CPEB4: variants seen among roughly 807,000 people sequenced by gnomAD.
CPEB4 encodes cytoplasmic polyadenylation element-binding protein 4.
CPEB4 carries 12 observed loss-of-function variants against 72.5 expected under a neutral mutation model. That is an observed-to-expected ratio of 0.17 (90% CI 0.11 to 0.27). CPEB4 has a LOEUF of 0.27. CPEB4 is among the 10% of genes least tolerant of loss of function. The pLI is 1.00. For missense variants in CPEB4, 614 were observed against 908.5 expected (o/e 0.68, Z 4.17); for synonymous variants, 302 against 326.3 (o/e 0.93, Z 0.80).
chr5:173,894,841 C>A (rs116046828), intron 1 of CPEB4, among the ~76,000 whole-genome samples: 2,407 of 152,036 alleles, frequency 0.016, 27 homozygotes, highest in Non-Finnish European at 0.024. Context: ...GGGAGAGTGC[C>A]TCCCAGACGC....
intron 9 of CPEB4, among the ~76,000 whole-genome samples, chr5:173,953,986 G>A (rs1394181944): frequency 6.6e-6 from 1 of 152,028 alleles, no homozygotes; most frequent in Non-Finnish European, 1.5e-5. Context: ...ACATTACTGG[G>A]CACAATGTTT....
Position 173,890,200 on chromosome 5 carries a change from A to T in CPEB4, c.467A>T (p.Gln156Leu). ...GCCACTGGGCTAGGTACTTCAACCC[A>T]ACCCTTGACATCTAGCGCATCGTCT... is the stretch of plus-strand genomic sequence containing the variant. ...QEATGLGTST[Q>L]PLTSSASSLT... is the part of the protein sequence containing the mutation. The change falls in exon 1 of 10, where the codon CAA (glutamine) becomes CTA (leucine). Residue 156 changes from glutamine (Q) to leucine (L), a missense_variant. By Grantham distance (113) the Gln-to-Leu change is moderately radical. Transcript: ENST00000265085. 1.9e-6 allele frequency: 3 copies of T among 1,614,200 alleles called. No homozygotes were observed. The highest frequency in any genetic ancestry group is 2.5e-6 in the Non-Finnish European group (3 of 1,180,032).
rs1758410808 is a variant in CPEB4 at position 173,957,338 on chromosome 5, T to C, written c.*1201T>C. Reference sequence around the variant, plus strand: ...AAAACAGTTAAAAAAAGTGAAGTAGTTGCAAAGTGTTTTGCACTGTTGAAC... The same window carrying C: ...AAAACAGTTAAAAAAAGTGAAGTAGCTGCAAAGTGTTTTGCACTGTTGAAC... On this transcript the variant is annotated 3_prime_UTR_variant, in exon 10 of 10. Coordinates refer to ENST00000265085, the MANE Select transcript of CPEB4 (RefSeq NM_030627.4). 1 of 152,764 alleles carries C rather than the reference T, an allele frequency of 6.5e-6. No homozygotes were observed. Among genetic ancestry groups the C allele is most frequent in the Non-Finnish European group, 1.5e-5 (1 of 68,034 alleles). 9.5% of individuals were successfully genotyped at this position (152,764 alleles called of 1,614,324 possible).
chr5:173,896,727 G>A (rs1756028083), intron 1 of CPEB4, among the ~76,000 whole-genome samples: 1 of 152,162 alleles, frequency 6.6e-6, no homozygotes, highest in Non-Finnish European at 1.5e-5. Context: ...GTGACCTTGA[G>A]TAAATCTTTT....
Position 173,890,290 on chromosome 5 carries a change from A to G in CPEB4, c.557A>G (p.Asp186Gly). The G allele has an allele frequency of 6.2e-7, 1 of 1,614,082 alleles. No homozygotes were observed. The change falls in exon 1 of 10, where the codon GAT (aspartate) becomes GGT (glycine). Residue 186 changes from aspartate (D) to glycine (G), a missense_variant. By Grantham distance (94) the Asp-to-Gly change is moderately conservative (BLOSUM62 -1). Around this residue, in one of 5 missense-constraint regions of CPEB4, gnomAD observed 458 missense variants for 548.6 expected, o/e 0.83. Coordinates refer to ENST00000265085, the MANE Select transcript of CPEB4 (RefSeq NM_030627.4). ...APSSSTIINE[D>G]ASFFHQGGVP... ...TCCTCCTCTACAATAATCAATGAAG[A>G]TGCAAGTTTCTTTCACCAGGGAGGG...
chr5:173,933,899 A>G (rs970533044), intron 3 of CPEB4, among the ~76,000 whole-genome samples: 1 of 152,098 alleles, frequency 6.6e-6, no homozygotes, highest in Non-Finnish European at 1.5e-5. Flanking sequence ...AGCTAAATTC[A>G]CTTAACTAGG....
At chr5:173,895,209 T>C (rs13183788) in intron 1 of CPEB4, among the ~76,000 whole-genome samples, 23,567 of 152,218 alleles carry the variant, frequency 0.15, 2,036 homozygotes, top group South Asian at 0.31. Context: ...AAACATATCT[T>C]AGAATTCTGA....
At chr5:173,911,484 G>A (rs1756657683) in intron 2 of CPEB4, among the ~76,000 whole-genome samples, 2 of 151,876 alleles carry the variant, frequency 1.3e-5, no homozygotes, top group Admixed American at 6.6e-5. Flanking sequence ...GGATGGTCTC[G>A]ATCTCCTGAC....
intron 1 of CPEB4, among the ~76,000 whole-genome samples, chr5:173,898,749 T>C (rs1253109102): frequency 6.6e-6 from 1 of 152,216 alleles, no homozygotes; most frequent in Non-Finnish European, 1.5e-5. Flanking sequence ...CGATCTTGGT[T>C]CACAGCAACC....
At chr5:173,901,555 T>G (rs890652258) in intron 1 of CPEB4, among the ~76,000 whole-genome samples, 1 of 152,182 alleles carries the variant, frequency 6.6e-6, no homozygotes, top group African/African-American at 2.4e-5. Context: ...TGGCAGGTAA[T>G]AATAGAGCAA....
chr5:173,902,489 AGTGGTG>A (rs528106527), intron 1 of CPEB4, among the ~76,000 whole-genome samples: 3 of 152,064 alleles, frequency 2.0e-5, no homozygotes, highest in African/African-American at 7.2e-5. Flanking sequence ...GCAATAATAG[AGTGGTG>A]GTGGTGGTGG....
At chr5:173,897,567 T>C (rs1756064356) in intron 1 of CPEB4, among the ~76,000 whole-genome samples, 1 of 152,214 alleles carries the variant, frequency 6.6e-6, no homozygotes, top group African/African-American at 2.4e-5. Flanking sequence ...TGAGTAAGAC[T>C]GAACATGCAT....
At chr5:173,921,497 C>T (rs1002253663) in intron 2 of CPEB4, among the ~76,000 whole-genome samples, 2 of 152,156 alleles carry the variant, frequency 1.3e-5, no homozygotes, top group African/African-American at 4.8e-5. Flanking sequence ...TCCTCTCCAC[C>T]AAGTAGCATT....
At chr5:173,953,692 G>A (rs1178551906) in intron 9 of CPEB4, among the ~76,000 whole-genome samples, 3 of 150,574 alleles carry the variant, frequency 2.0e-5, no homozygotes, top group Non-Finnish European at 4.4e-5. Context: ...ACCTCAGCAA[G>A]CCCTATTTCT....
intron 1 of CPEB4, among the ~76,000 whole-genome samples, chr5:173,892,744 A>G (rs1003462845): frequency 7.2e-5 from 11 of 152,126 alleles, no homozygotes; most frequent in Non-Finnish European, 1.0e-4. Context: ...ATTTTTTCCT[A>G]TTGGGCTAAT....
In CPEB4 at chr5:173,889,970, A is replaced by C; in HGVS notation, c.237A>C (p.Lys79Asn). 6.2e-7 allele frequency: 1 copy of C among 1,614,210 alleles called. No homozygotes were observed. The change falls in exon 1 of 10, where the codon AAA (lysine) becomes AAC (asparagine). Residue 79 changes from lysine to asparagine, a missense_variant. This residue lies in a region of CPEB4 where 458 missense variants were observed against 548.6 expected (regional missense o/e 0.83). Transcript: ENST00000265085. The part of the protein sequence containing the change: ...NIQDEILGSE[K>N]AKSQQQEQQD... ...AGGATGAGATCTTGGGGTCAGAAAAAGCAAAAAGTCAGCAACAGGAACAGC... is the reference window on the plus strand; with the variant it reads ...AGGATGAGATCTTGGGGTCAGAAAACGCAAAAAGTCAGCAACAGGAACAGC...
intron 5 of CPEB4, 32 bp downstream of exon 5, chr5:173,945,172 C>G: frequency 6.4e-7 from 1 of 1,567,916 alleles, no homozygotes; most frequent in East Asian, 2.3e-5. Flanking sequence ...GCACGGTGCC[C>G]AGATGGTGGC....
rs148795551 is a variant in CPEB4 at position 173,954,520 on chromosome 5, A to T, written c.1962+1248A>T. ...CCCGAGTAGGTGGAATTACAGGCATATACCACCATGCCCAACAAATGTTTG... is the reference window on the plus strand; with the variant it reads ...CCCGAGTAGGTGGAATTACAGGCATTTACCACCATGCCCAACAAATGTTTG... On this transcript the variant is annotated intron_variant, in intron 9 of 9. Coordinates refer to ENST00000265085, the MANE Select transcript of CPEB4 (RefSeq NM_030627.4). 1.2e-3 allele frequency among the ~76,000 whole-genome samples: 183 copies of T among 152,192 alleles called. 1 individual carries two copies. Among genetic ancestry groups the T allele is most frequent in the African/African-American group, 4.3e-3 (179 of 41,526 alleles).
chr5:173,922,200 G>A (rs529833574), intron 2 of CPEB4, among the ~76,000 whole-genome samples: 26 of 152,116 alleles, frequency 1.7e-4, no homozygotes, highest in African/African-American at 5.5e-4. Context: ...TTTGACAGAG[G>A]GTAGGCATTC....
Sources: gnomAD v4.1 joint callset for allele counts (sites outside exome capture counted in the v4.1 genomes callset) on GRCh38, gnomAD v4.1.1 for gene constraint, gnomAD v4.1.1 regional missense constraint, MANE v1.5 for transcripts, NCBI Gene and HGNC (gene_info 2026-07-23, HGNC 2026-07-21) for gene names.